The following NFX1 variants were observed in gnomAD, a reference collection of about 807,000 sequenced individuals.
NFX1 encodes the protein transcriptional repressor NF-X1.
NFX1 carries 69 observed loss-of-function variants against 137.2 expected under a neutral mutation model. The observed-to-expected ratio is 0.50, with a 90% CI of 0.41 to 0.61. The LOEUF is 0.61. Ranked by LOEUF, NFX1 falls within the 20% of genes least tolerant of loss-of-function variation. The pLI is 0.00. For missense variants in NFX1, 1,167 were observed against 1,391.0 expected, an observed-to-expected ratio of 0.84 and a Z score of 2.56; for synonymous variants, 495 against 474.1, an observed-to-expected ratio of 1.04 and a Z score of -0.57.
chr9:33,345,670 C>G (rs1251815834), intron 14 of NFX1, among the ~76,000 whole-genome samples: 1 of 151,982 alleles, frequency 6.6e-6, no homozygotes, highest in Non-Finnish European at 1.5e-5. Context: ...TTTTCCCACT[C>G]TTATTATTAT....
intron 14 of NFX1, 47 bp from the exon 15 acceptor site, chr9:33,346,991 G>C (rs1564138542): frequency 1.3e-6 from 2 of 1,481,574 alleles, no homozygotes; most frequent in Non-Finnish European, 1.9e-6. Flanking sequence ...TGGTTTACAT[G>C]GCTTTATTTA....
At chr9:33,326,889 G>C (rs1424807364) in intron 9 of NFX1, among the ~76,000 whole-genome samples, 2 of 152,150 alleles carry the variant, frequency 1.3e-5, no homozygotes, top group Admixed American at 1.3e-4. Flanking sequence ...CTGTGTAAGG[G>C]TAAACCTTCT....
At chr9:33,331,018 T>G (rs1445007820) in intron 10 of NFX1, among the ~76,000 whole-genome samples, 2 of 151,950 alleles carry the variant, frequency 1.3e-5, no homozygotes, top group Non-Finnish European at 2.9e-5. Context: ...TACAAAAAAT[T>G]AGCCAGGCAC....
At chr9:33,314,044 C>T (rs1024946769) in intron 7 of NFX1, among the ~76,000 whole-genome samples, 2 of 151,914 alleles carry the variant, frequency 1.3e-5, no homozygotes, top group Non-Finnish European at 2.9e-5. Context: ...AGTGCAGTGG[C>T]GTGATCCTAG....
intron 6 of NFX1, among the ~76,000 whole-genome samples, chr9:33,313,251 G>A (rs1037391795): frequency 2.4e-4 from 36 of 151,962 alleles, no homozygotes; most frequent in African/African-American, 8.7e-4. Flanking sequence ...CAGAAAATAG[G>A]AAAGAAAGAC....
At chr9:33,311,566 T>C (rs1236124821) in intron 6 of NFX1, among the ~76,000 whole-genome samples, 1 of 152,186 alleles carries the variant, frequency 6.6e-6, no homozygotes, top group African/African-American at 2.4e-5. Context: ...GATTTTTTTT[T>C]TTTTGAGACG....
chr9:33,314,924 C>G (rs1822100007), intron 7 of NFX1, among the ~76,000 whole-genome samples: 1 of 152,002 alleles, frequency 6.6e-6, no homozygotes, highest in Non-Finnish European at 1.5e-5. Context: ...TATATGCTAG[C>G]TGTACATCAA....
intron 11 of NFX1, chr9:33,332,707 T>C: frequency 2.1e-6 from 1 of 471,142 alleles, no homozygotes. Context: ...AGTGCACTCA[T>C]GTCTACAGCT....
At chr9:33,347,215 C>A in intron 15 of NFX1, 98 bp downstream of exon 15, 1 of 907,806 alleles carries the variant, frequency 1.1e-6, no homozygotes, top group South Asian at 1.6e-5. Flanking sequence ...AGTAAATACA[C>A]TCAGAAGTAG....
At chr9:33,324,333 C>T (rs1822499222) in intron 9 of NFX1, among the ~76,000 whole-genome samples, 2 of 151,924 alleles carry the variant, frequency 1.3e-5, no homozygotes, top group East Asian at 1.9e-4. Context: ...GAGCCGAGAT[C>T]GCACCACTGT....
intron 4 of NFX1, among the ~76,000 whole-genome samples, chr9:33,304,929 A>G (rs914351234): frequency 1.3e-5 from 2 of 152,252 alleles, no homozygotes; most frequent in African/African-American, 4.8e-5. Context: ...CTCTACTGGC[A>G]AATTAGATGA....
chr9:33,364,022 G>A lies in NFX1; in HGVS notation c.2886G>A (p.Glu962=), dbSNP rs1157330809. Residue 962 remains glutamate, a synonymous_variant, in exon 20 of 24, where the codon GAG becomes GAA. Transcript: ENST00000379540. ...CTCTCTCTTTCAGGAGATTAGCAGA[G>A]GCATTTCATATCAGTGAGGATTCTG... ...SALERKKRLA[E]AFHISEDSDP... 3.8e-6 allele frequency: 6 copies of A among 1,583,962 alleles called. No individual in the cohort carries two copies. Among genetic ancestry groups the A allele is most frequent in the Non-Finnish European group, 5.1e-6 (6 of 1,166,398 alleles).
Position 33,338,553 on chromosome 9 carries a change from G to A in NFX1, c.2079G>A (p.Leu693=), listed in dbSNP as rs1247350243. The change falls in exon 12 of 24, where the codon TTG becomes TTA. Residue 693 remains leucine (L), a synonymous_variant. Coordinates refer to ENST00000379540, the MANE Select transcript of NFX1 (RefSeq NM_002504.6). ...MCDKRCNKKR[L]CGRHKCNEIC... ...ACAAGCGGTGTAACAAGAAACGGTT[G>A]TGTGGACGGCATAAATGTAATGAGA... 3.1e-6 allele frequency: 5 copies of A among 1,602,212 alleles called. No individual in the cohort carries two copies. Among genetic ancestry groups the A allele is most frequent in the African/African-American group, 1.4e-5 (1 of 73,952 alleles).
chr9:33,354,958 G>T, intron 19 of NFX1, 66 bp downstream of exon 19: 1 of 1,505,060 alleles, frequency 6.6e-7, no homozygotes, highest in Non-Finnish European at 9.2e-7. Context: ...ATGGGAGGGA[G>T]CAACCCTTCA....
intron 11 of NFX1, among the ~76,000 whole-genome samples, chr9:33,336,826 G>A (rs1823022124): frequency 6.6e-6 from 1 of 152,112 alleles, no homozygotes; most frequent in Non-Finnish European, 1.5e-5. Flanking sequence ...CCAGGGCTGG[G>A]CGCAGTAGCT....
chr9:33,318,664 T>C, intron 7 of NFX1, 67 bp from the exon 8 acceptor site: 2 of 1,411,744 alleles, frequency 1.4e-6, no homozygotes, highest in Non-Finnish European at 2.0e-6. Flanking sequence ...TTCTTATAGA[T>C]TATTTGTGAC....
chr9:33,309,952 A>G (rs141511995), intron 5 of NFX1, among the ~76,000 whole-genome samples: 6 of 152,346 alleles, frequency 3.9e-5, no homozygotes, highest in Non-Finnish European at 7.3e-5. Context: ...CTGACAAGCA[A>G]TGAAAATTGT....
intron 19 of NFX1, 55 bp from the exon 20 acceptor site, chr9:33,363,955 G>T: frequency 7.9e-7 from 1 of 1,259,148 alleles, no homozygotes; most frequent in Non-Finnish European, 1.1e-6. Flanking sequence ...CGGGGTTACT[G>T]CAAGATAGTT....
chr9:33,305,775 G>T (rs1213211871), intron 4 of NFX1, among the ~76,000 whole-genome samples: 1 of 152,212 alleles, frequency 6.6e-6, no homozygotes, highest in Non-Finnish European at 1.5e-5. Context: ...AGAAGGTCTG[G>T]TGGGGACAGT....
Sources: gnomAD v4.1 joint callset for allele counts (sites outside exome capture counted in the v4.1 genomes callset) on GRCh38, gnomAD v4.1.1 for gene constraint, MANE v1.5 for transcripts, NCBI Gene and HGNC (gene_info 2026-07-23, HGNC 2026-07-21) for gene names.